OXCT1: variants seen among roughly 807,000 people sequenced by gnomAD.
OXCT1 encodes 3-oxoacid CoA-transferase 1.
OXCT1 carries 27 observed loss-of-function variants against 69.6 expected under a neutral mutation model. The observed-to-expected ratio is 0.39, with a 90% CI of 0.29 to 0.54. OXCT1 has a LOEUF of 0.54. Ranked by LOEUF, OXCT1 falls within the 20% of genes least tolerant of loss-of-function variation. The probability of loss-of-function intolerance (pLI) is 0.72; values close to 1 mark genes in which losing one functional copy is unlikely to be tolerated. For synonymous variants in OXCT1, 202 were observed against 217.8 expected (o/e 0.93, Z 0.64); for missense variants, 437 against 650.2 (o/e 0.67, Z 3.57).
At chr5:41,748,131 C>T (rs763797056) in intron 15 of OXCT1, among the ~76,000 whole-genome samples, 3 of 152,040 alleles carry the variant, frequency 2.0e-5, no homozygotes, top group Admixed American at 6.6e-5. Flanking sequence ...TTATGAGTGC[C>T]AAAATGAACA....
intron 5 of OXCT1, among the ~76,000 whole-genome samples, chr5:41,846,195 T>C (rs1243295195): frequency 6.6e-6 from 1 of 151,348 alleles, no homozygotes; most frequent in African/African-American, 2.4e-5. Context: ...GTTAGTTACA[T>C]ATGTATACAT....
At chr5:41,763,594 T>C (rs555388617) in intron 13 of OXCT1, among the ~76,000 whole-genome samples, 4 of 152,148 alleles carry the variant, frequency 2.6e-5, no homozygotes, top group Non-Finnish European at 5.9e-5. Context: ...TTGAGATTTG[T>C]AGAGCAACAA....
At chr5:41,821,266 C>G (rs545428562) in intron 7 of OXCT1, among the ~76,000 whole-genome samples, 8 of 152,296 alleles carry the variant, frequency 5.3e-5, no homozygotes, top group Admixed American at 1.3e-4. Context: ...CTGAAGAAAA[C>G]ATTGCCTCTT....
intron 7 of OXCT1, among the ~76,000 whole-genome samples, chr5:41,834,439 C>G (rs138722094): frequency 2.2e-3 from 312 of 140,530 alleles, no homozygotes; most frequent in African/African-American, 8.1e-3. Flanking sequence ...TACACAGAGA[C>G]CAAAAATAAA....
intron 16 of OXCT1, among the ~76,000 whole-genome samples, chr5:41,737,285 T>C (rs1579626166): frequency 6.6e-6 from 1 of 152,294 alleles, no homozygotes; most frequent in Non-Finnish European, 1.5e-5. Context: ...GGTACTGAAA[T>C]TGAGAGGGTC....
At chr5:41,765,980 A>G (rs1744577967) in intron 13 of OXCT1, among the ~76,000 whole-genome samples, 1 of 152,146 alleles carries the variant, frequency 6.6e-6, no homozygotes, top group Admixed American at 6.6e-5. Context: ...TAAGTCACAG[A>G]GGGAAAGTGA....
intron 15 of OXCT1, among the ~76,000 whole-genome samples, chr5:41,745,864 T>C (rs1008263932): frequency 1.3e-5 from 2 of 152,032 alleles, no homozygotes; most frequent in African/African-American, 4.8e-5. Context: ...AAGTTGAATC[T>C]CTGAATAGAC....
chr5:41,791,786 C>A (rs1745930977), intron 13 of OXCT1, among the ~76,000 whole-genome samples: 1 of 151,960 alleles, frequency 6.6e-6, no homozygotes, highest in Non-Finnish European at 1.5e-5. Flanking sequence ...TCCGCAACTT[C>A]TTTTTTATTT....
chr5:41,803,602 T>TA (rs916287328), intron 9 of OXCT1, among the ~76,000 whole-genome samples: 3 of 152,102 alleles, frequency 2.0e-5, no homozygotes, highest in African/African-American at 7.2e-5. Context: ...TTTTAAATTT[T>TA]AAAAAAGTTT....
chr5:41,843,243 T>C (rs548714815), intron 5 of OXCT1, among the ~76,000 whole-genome samples: 46 of 152,320 alleles, frequency 3.0e-4, no homozygotes, highest in Non-Finnish European at 5.7e-4. Context: ...TGTTGAGATT[T>C]TAAATGGGAT....
In OXCT1 at chr5:41,762,050, C is replaced by G. The variant is rs1222625646; in HGVS notation, c.1338+61G>C. 4.6e-6 allele frequency: 5 copies of G among 1,097,290 alleles called. No homozygotes were observed. The highest frequency in any genetic ancestry group is 7.1e-6 in the Non-Finnish European group (5 of 708,268). The allele number at this position is 1,097,290 out of a possible 1,614,324, so 68.0% of individuals were successfully genotyped here. A position where few individuals can be genotyped will look rare whatever the true frequency, so the allele number is the denominator to read the frequency against. The stretch of plus-strand genomic sequence containing the variant: ...CACAGTTAGGTGACCTGGTGGTACA[C>G]TGGGTTTTGATGTATTGCAAATTTC... On this transcript the variant is annotated intron_variant, in intron 14 of 16. Coordinates refer to ENST00000196371, the MANE Select transcript of OXCT1 (RefSeq NM_000436.4). The surrounding 1 kb of genome is among the most constrained non-coding windows in gnomAD (Gnocchi z 4.0).
At chr5:41,760,117 G>A (rs944157622) in intron 14 of OXCT1, among the ~76,000 whole-genome samples, 1 of 152,096 alleles carries the variant, frequency 6.6e-6, no homozygotes, top group African/African-American at 2.4e-5. Flanking sequence ...AGAAATAGCA[G>A]GTTCCCTGTC....
At chr5:41,813,902 T>G (rs760096695) in intron 7 of OXCT1, among the ~76,000 whole-genome samples, 2 of 152,134 alleles carry the variant, frequency 1.3e-5, no homozygotes, top group African/African-American at 4.8e-5. Flanking sequence ...TAGTTGTATT[T>G]CATCTGATCA....
intron 6 of OXCT1, among the ~76,000 whole-genome samples, 192 bp from the exon 7 acceptor site, chr5:41,840,703 T>A (rs1249719333): frequency 6.6e-6 from 1 of 152,212 alleles, no homozygotes; most frequent in South Asian, 2.1e-4. Context: ...CATAACTACT[T>A]TATTCAATGT....
chr5:41,742,556 T>C (rs868217469), intron 15 of OXCT1, among the ~76,000 whole-genome samples: 9 of 152,226 alleles, frequency 5.9e-5, no homozygotes, highest in Non-Finnish European at 1.3e-4. Flanking sequence ...TATGTATGCA[T>C]GTGCCATGTT....
intron 14 of OXCT1, among the ~76,000 whole-genome samples, chr5:41,755,369 T>A (rs1744010055): frequency 1.3e-5 from 2 of 151,948 alleles, no homozygotes; most frequent in Non-Finnish European, 2.9e-5. Flanking sequence ...TAAAGGTGAA[T>A]TTTTTTTCCC....
intron 15 of OXCT1, among the ~76,000 whole-genome samples, chr5:41,749,195 G>A (rs982455845): frequency 6.6e-6 from 1 of 152,040 alleles, no homozygotes; most frequent in Non-Finnish European, 1.5e-5. Flanking sequence ...TTTAGAAAAG[G>A]TAGAAATAAT....
chr5:41,847,102 C>T (rs34386184), intron 5 of OXCT1, among the ~76,000 whole-genome samples: 2,237 of 151,758 alleles, frequency 0.015, 62 homozygotes, highest in African/African-American at 0.052. Context: ...GGGGATATCA[C>T]CACCGATCCC....
intron 5 of OXCT1, among the ~76,000 whole-genome samples, chr5:41,844,761 T>C (rs980535044): frequency 6.6e-6 from 1 of 151,846 alleles, no homozygotes; most frequent in African/African-American, 2.4e-5. Flanking sequence ...TGACTCCTCT[T>C]ACACCCCTTA....
Sources: gnomAD v4.1 joint callset for allele counts (sites outside exome capture counted in the v4.1 genomes callset) on GRCh38, gnomAD v4.1.1 for gene constraint, Gnocchi (gnomAD v3.1) non-coding constraint, MANE v1.5 for transcripts, NCBI Gene and HGNC (gene_info 2026-07-23, HGNC 2026-07-21) for gene names.